The following PFKFB3 variants were observed in gnomAD, a reference collection of about 807,000 sequenced individuals.
PFKFB3 encodes the protein 6-phosphofructo-2-kinase/fructose-2,6-bisphosphatase 3.
Under a neutral mutation model 68.0 loss-of-function variants are expected in PFKFB3, and 33 were observed. The ratio of observed to expected loss-of-function variants is 0.49; its 90% CI spans 0.37 to 0.65. The LOEUF (loss-of-function observed/expected upper bound fraction) is 0.65. Among genes scored for constraint, PFKFB3 ranks in the 30% least tolerant of loss-of-function variants. The pLI, the probability that PFKFB3 is intolerant of heterozygous loss-of-function variation, is 0.00. For missense variants in PFKFB3, 586 were observed against 712.2 expected, an observed-to-expected ratio of 0.82 and a Z score of 2.02; for synonymous variants, 315 against 288.2, an observed-to-expected ratio of 1.09 and a Z score of -0.94.
At chr10:6,148,619 G>T (rs969844883) in intron 1 of PFKFB3, among the ~76,000 whole-genome samples, 2 of 152,186 alleles carry the variant, frequency 1.3e-5, no homozygotes, top group African/African-American at 4.8e-5. Flanking sequence ...GGAGAAGTTA[G>T]TATCTTGACG....
In PFKFB3 at chr10:6,232,898, A is replaced by G; in HGVS notation, c.1519A>G (p.Met507Val). The G allele has an allele frequency of 6.2e-7, 1 of 1,613,100 alleles. No homozygotes were observed. Among genetic ancestry groups the G allele is most frequent in the Non-Finnish European group, 8.5e-7 (1 of 1,179,400 alleles). Reference sequence around the variant, plus strand: ...CTCTCTTTTCTCCTGAAAACAGAACATGAAAGGCTCCCGGAGCAGCGCTGA... The same window carrying G: ...CTCTCTTTTCTCCTGAAAACAGAACGTGAAAGGCTCCCGGAGCAGCGCTGA... ...EVPTQLPGQNMKGSRSSADSS... is the reference protein window; with the variant it reads ...EVPTQLPGQNVKGSRSSADSS... The change falls in exon 15 of 15, where the codon ATG becomes GTG. Residue 507 changes from methionine (M) to valine (V), a missense_variant. Met to Val is a conservative substitution (Grantham distance 21). Transcript: ENST00000379775.
chr10:6,255,021 T>C (rs1357865560), downstream of PFKFB3, among the ~76,000 whole-genome samples: 5 of 151,904 alleles, frequency 3.3e-5, no homozygotes. Flanking sequence ...TTTACCACAT[T>C]GGCCAGGCTG....
At chr10:6,271,338 G>A in the PFKFB3 span, among the ~76,000 whole-genome samples, 1 of 152,214 alleles carries the variant, frequency 6.6e-6, no homozygotes, top group African/African-American at 2.4e-5. Flanking sequence ...TGCCTGGGAG[G>A]CCCAGGCTAC....
the PFKFB3 span, among the ~76,000 whole-genome samples, chr10:6,307,863 G>A: frequency 6.6e-5 from 10 of 152,160 alleles, no homozygotes; most frequent in African/African-American, 2.4e-4. Context: ...ATTAGGTTAT[G>A]AGGGCTCTGT....
chr10:6,153,126 C>G (rs4747892), intron 1 of PFKFB3, among the ~76,000 whole-genome samples: 55,573 of 151,746 alleles, frequency 0.37, 11,052 homozygotes, highest in South Asian at 0.5. Context: ...GAGCCAAGAT[C>G]ATGCCACTGC....
In PFKFB3 at chr10:6,203,361, G is replaced by C. The variant is rs770318396; in HGVS notation, c.76+25G>C. ...TGTGAGTGCAGCTGCGCGGAGCCGG[G>C]TTGCAGGGCGGGCTGCGCCGGGCCG... On this transcript the variant is annotated intron_variant, in intron 1 of 14. Coordinates refer to ENST00000379775, the MANE Select transcript of PFKFB3 (RefSeq NM_004566.4). The C allele has an allele frequency of 4.5e-6, 7 of 1,566,454 alleles. No individual in the cohort carries two copies. In the Admixed American group the frequency reaches 1.2e-4, roughly 27 times the overall value.
At chr10:6,249,718 G>T (rs755020459) in intron 14 of PFKFB3, among the ~76,000 whole-genome samples, 5 of 151,596 alleles carry the variant, frequency 3.3e-5, no homozygotes, top group Non-Finnish European at 7.4e-5. Flanking sequence ...TGGTCAAAGG[G>T]TACAAAATCT....
At chr10:6,184,204 C>G (rs1031525099) in intron 1 of PFKFB3, among the ~76,000 whole-genome samples, 2 of 151,764 alleles carry the variant, frequency 1.3e-5, no homozygotes, top group East Asian at 1.9e-4. Flanking sequence ...AGGTGCCCAC[C>G]ACCACGCCCG....
intron 14 of PFKFB3, among the ~76,000 whole-genome samples, chr10:6,244,458 G>A (rs1432384642): frequency 3.9e-5 from 6 of 152,136 alleles, no homozygotes; most frequent in South Asian, 2.1e-4. Context: ...AACACTAACC[G>A]TATTCCAATT....
the PFKFB3 span, among the ~76,000 whole-genome samples, chr10:6,306,664 C>T: frequency 6.6e-6 from 1 of 152,202 alleles, no homozygotes; most frequent in South Asian, 2.1e-4. Flanking sequence ...TTACTCCAGA[C>T]ACAGAGCCTC....
At chr10:6,188,138 T>C (rs1357637230) in intron 1 of PFKFB3, among the ~76,000 whole-genome samples, 1 of 151,596 alleles carries the variant, frequency 6.6e-6, no homozygotes, top group Non-Finnish European at 1.5e-5. Context: ...TATTTTTTTT[T>C]CTGAACCATT....
In PFKFB3 at chr10:6,229,341, C is replaced by T. The variant is rs1434344200; in HGVS notation, c.1515+2976C>T. Among the ~76,000 whole-genome samples the T allele has an allele frequency of 2.0e-5, 3 of 152,210 alleles. No homozygotes were observed. The highest frequency in any genetic ancestry group is 7.2e-5 in the African/African-American group (3 of 41,462). The stretch of plus-strand genomic sequence containing the variant: ...GGGCTGAGTGACCGGCCCGTGCTTC[C>T]AGCAGGTGAGCCGCAGAGCCGGGGC... On this transcript the variant is annotated intron_variant, in intron 14 of 14. Transcript: ENST00000379775. This position sits in a 1 kb window ranked among gnomAD's most constrained non-coding sequence, Gnocchi z 4.3.
intron 14 of PFKFB3, among the ~76,000 whole-genome samples, chr10:6,230,024 G>A (rs529523764): frequency 1.5e-4 from 23 of 152,282 alleles, no homozygotes; most frequent in South Asian, 1.5e-3. Context: ...GGACCCCTGC[G>A]TTAGACACGT....
chr10:6,311,420 C>T, the PFKFB3 span, among the ~76,000 whole-genome samples: 11 of 152,092 alleles, frequency 7.2e-5, no homozygotes, highest in African/African-American at 1.2e-4. Flanking sequence ...AGGTTCCCTA[C>T]GGAAGACCTA....
At chr10:6,177,408 C>CTTCTTTCTTTCTTTCTTTT (rs1233772867) in intron 1 of PFKFB3, among the ~76,000 whole-genome samples, 1 of 52,544 alleles carries the variant, frequency 1.9e-5, no homozygotes, top group Non-Finnish European at 4.5e-5. Flanking sequence ...TTCTTTCTTT[C>CTTCTTTCTTTCTTTCTTTT]TTCTTTCTCT....
At chr10:6,156,217 G>A (rs1384329486) in intron 1 of PFKFB3, among the ~76,000 whole-genome samples, 5 of 150,598 alleles carry the variant, frequency 3.3e-5, no homozygotes, top group Admixed American at 6.6e-5. Context: ...GCAGTGGCAC[G>A]ATCATGGCTC....
At chr10:6,248,513 C>G (rs1038050490) in intron 14 of PFKFB3, among the ~76,000 whole-genome samples, 1 of 151,312 alleles carries the variant, frequency 6.6e-6, no homozygotes, top group Non-Finnish European at 1.5e-5. Context: ...TCTATAATCC[C>G]AGCTACTCGG....
chr10:6,155,621 C>T (rs1019749288), intron 1 of PFKFB3, among the ~76,000 whole-genome samples: 14 of 152,064 alleles, frequency 9.2e-5, no homozygotes, highest in African/African-American at 3.1e-4. Context: ...GAAGCATGGA[C>T]CCCCACTCCA....
rs112635153 is a variant in PFKFB3 at position 6,213,580 on chromosome 10, G to A, written c.77-43G>A. ...GGTGTGGCCTCTGCTCCTCTTCTCC[G>A]GTCACTTGGTTGATGACACACCCTT... On this transcript the variant is annotated intron_variant, in intron 1 of 14. Coordinates refer to ENST00000379775, the MANE Select transcript of PFKFB3 (RefSeq NM_004566.4). The A allele has an allele frequency of 2.4e-4, 378 of 1,585,572 alleles. 2 individuals are homozygous for A. In the East Asian group the frequency reaches 3.0e-3, roughly 13 times the overall value.
Sources: gnomAD v4.1 joint callset for allele counts (sites outside exome capture counted in the v4.1 genomes callset) on GRCh38, gnomAD v4.1.1 for gene constraint, Gnocchi (gnomAD v3.1) non-coding constraint, MANE v1.5 for transcripts, NCBI Gene and HGNC (gene_info 2026-07-23, HGNC 2026-07-21) for gene names.